The following OTOF variants were observed in gnomAD, a reference collection of about 807,000 sequenced individuals.
OTOF encodes fer-1-like family member 2.
Under a neutral mutation model 236.8 loss-of-function variants are expected in OTOF, and 218 were observed. The observed-to-expected ratio is 0.92, with a 90% CI of 0.82 to 1.03. OTOF has a LOEUF of 1.03. Among genes scored for constraint, OTOF ranks in the 50% least tolerant of loss-of-function variants. The pLI, the probability that OTOF is intolerant of heterozygous loss-of-function variation, is 0.00. For missense variants in OTOF, 2,590 were observed against 2,694.4 expected, an observed-to-expected ratio of 0.96 and a Z score of 0.86; for synonymous variants, 1,041 against 1,072.5, an observed-to-expected ratio of 0.97 and a Z score of 0.57.
intron 3 of OTOF, among the ~76,000 whole-genome samples, chr2:26,527,090 T>C (rs1290694781): frequency 1.3e-5 from 2 of 152,222 alleles, no homozygotes; most frequent in South Asian, 2.1e-4. Flanking sequence ...ACTACTTTTA[T>C]TGAACACCTT....
Position 26,518,851 on chromosome 2 carries a change from G to A in OTOF, c.327+159C>T, listed in dbSNP as rs116403205. On this transcript the variant is annotated intron_variant, in intron 4 of 46. Transcript: ENST00000272371. ...GGGCCTCCAGCCATGGCCACAGATT[G>A]AGCCATTCCAGCAGAGTCTGACCTG... is the stretch of plus-strand genomic sequence containing the variant. Among the ~76,000 whole-genome samples the A allele has an allele frequency of 0.011, 1,739 of 152,340 alleles. 35 individuals carry two copies. The highest frequency in any genetic ancestry group is 0.04 in the African/African-American group (1,677 of 41,582).
intron 13 of OTOF, 129 bp from the exon 14 acceptor site, chr2:26,482,721 G>A (rs552722982): frequency 7.6e-5 from 55 of 724,978 alleles, no homozygotes; most frequent in Non-Finnish European, 1.1e-4. Flanking sequence ...GTGTGCATGC[G>A]TGTGTGAGTG....
intron 2 of OTOF, among the ~76,000 whole-genome samples, chr2:26,529,950 C>T (rs1289783655): frequency 1.4e-5 from 1 of 72,500 alleles, no homozygotes. Flanking sequence ...TTCTGGATGC[C>T]TCTGGCAGCT....
At position 26,479,390 on chromosome 2, in the gene OTOF, G is replaced by A. The variant is rs762049246; in HGVS notation, c.2094-6C>T. Reference sequence around the variant, plus strand: ...AGGGCAGATGGAAGTAGTTCCTGGGGTGGGCAGAGGCGGGAGGTGAGGTCT... The same window carrying A: ...AGGGCAGATGGAAGTAGTTCCTGGGATGGGCAGAGGCGGGAGGTGAGGTCT... On this transcript the variant is annotated splice_polypyrimidine_tract_variant and splice_region_variant and intron_variant, in intron 17 of 46. Transcript: ENST00000272371. The A allele has an allele frequency of 6.2e-6, 10 of 1,612,344 alleles. No homozygotes were observed. In the African/African-American group the frequency reaches 6.7e-5, roughly 11 times the overall value.
chr2:26,527,981 G>T lies in OTOF; in HGVS notation c.139-61C>A. On this transcript the variant is annotated intron_variant, in intron 2 of 46. Transcript: ENST00000272371. Reference sequence around the variant, plus strand: ...ATAACAGGTAGGAGCCGTGGGGTGTGGGAGGGGAATCTCTTGTGGGGATCT... The same window carrying T: ...ATAACAGGTAGGAGCCGTGGGGTGTTGGAGGGGAATCTCTTGTGGGGATCT... 10 of 1,201,982 alleles carry T rather than the reference G, an allele frequency of 8.3e-6. No individual in the cohort carries two copies. In the Admixed American group the frequency reaches 1.4e-4, roughly 16 times the overall value. 74.5% of individuals were successfully genotyped at this position (1,201,982 alleles called of 1,614,324 possible). A position where few individuals can be genotyped will look rare whatever the true frequency, so the allele number is the denominator to read the frequency against.
At chr2:26,510,923 G>A (rs1480397105) in intron 5 of OTOF, among the ~76,000 whole-genome samples, 2 of 152,352 alleles carry the variant, frequency 1.3e-5, no homozygotes, top group South Asian at 4.1e-4. Flanking sequence ...CTGCAGAAAA[G>A]GGGTCCCATG....
Position 26,473,537 on chromosome 2 carries a change from G to T in OTOF, c.3439C>A (p.Arg1147=). Residue 1147 remains arginine (R), a synonymous_variant, in exon 28 of 47, where the codon CGG becomes AGG. Coordinates refer to ENST00000272371, the MANE Select transcript of OTOF (RefSeq NM_194248.3). The surrounding 1 kb of genome is among the most constrained non-coding windows in gnomAD (Gnocchi z 7.2). ...VLFWGLRDLK[R]VNLAQVDRPR... ...CGGTCCACCTGGGCCAGGTTCACCC[G>T]CTTTAGGTCCCGTAGGCCCCAGAAC... 1 of 1,610,920 alleles carries T rather than the reference G, an allele frequency of 6.2e-7. No homozygotes were observed. The highest frequency in any genetic ancestry group is 1.1e-5 in the South Asian group (1 of 91,008).
rs560292898 is a variant in OTOF at position 26,478,963 on chromosome 2, T to C, written c.2214+301A>G. Among the ~76,000 whole-genome samples the C allele has an allele frequency of 2.2e-3, 341 of 152,342 alleles. 3 individuals are homozygous for C. Among genetic ancestry groups the C allele is most frequent in the African/African-American group, 7.4e-3 (306 of 41,590 alleles). On this transcript the variant is annotated intron_variant, in intron 18 of 46. Coordinates refer to ENST00000272371, the MANE Select transcript of OTOF (RefSeq NM_194248.3). Reference sequence around the variant, plus strand: ...ATCCACCTGCCTTGGCCTCCCAAAGTGTTGGGATTACAGGCGTGAGCCACC... The same window carrying C: ...ATCCACCTGCCTTGGCCTCCCAAAGCGTTGGGATTACAGGCGTGAGCCACC...
chr2:26,472,896 C>T (rs1010392494), intron 29 of OTOF, among the ~76,000 whole-genome samples: 5 of 152,156 alleles, frequency 3.3e-5, no homozygotes, highest in South Asian at 4.1e-4. Context: ...TCAACCAGCG[C>T]AAGGGGCTTT....
chr2:26,543,432 G>T (rs753058747), intron 1 of OTOF, among the ~76,000 whole-genome samples: 2 of 152,182 alleles, frequency 1.3e-5, no homozygotes, highest in Non-Finnish European at 2.9e-5. Context: ...AGAAACTGTT[G>T]TGGGAAAGTC....
chr2:26,544,476 T>C (rs979083486), intron 1 of OTOF, among the ~76,000 whole-genome samples: 1 of 152,198 alleles, frequency 6.6e-6, no homozygotes, highest in Non-Finnish European at 1.5e-5. Flanking sequence ...CAAGGTAATG[T>C]TTTTGTGATT....
chr2:26,479,163 GC>G lies in OTOF; in HGVS notation c.2214+100del, dbSNP rs547827648. 121 of 1,471,208 alleles carry G rather than the reference GC, an allele frequency of 8.2e-5. 1 individual carries two copies. In the Admixed American group the frequency reaches 8.3e-4, roughly 10 times the overall value. 91.1% of individuals were successfully genotyped at this position (1,471,208 alleles called of 1,614,324 possible). A position where few individuals can be genotyped will look rare whatever the true frequency, so the allele number is the denominator to read the frequency against. On this transcript the variant is annotated intron_variant, in intron 18 of 46. Transcript: ENST00000272371. ...AGGTCCTGCTGGGGCCGTTCCTGCAGCCCCCTGGGCAGACCAGCTTTGTGTG... is the reference window on the plus strand; with the variant it reads ...AGGTCCTGCTGGGGCCGTTCCTGCAGCCCCTGGGCAGACCAGCTTTGTGTG...
chr2:26,549,279 G>C (rs1395994592), intron 1 of OTOF, among the ~76,000 whole-genome samples: 2 of 152,142 alleles, frequency 1.3e-5, no homozygotes, highest in Non-Finnish European at 2.9e-5. Flanking sequence ...AATGTATTGA[G>C]ACTTGTCTAA....
At chr2:26,501,915 G>C (rs1016132720) in intron 7 of OTOF, 107 bp from the exon 8 acceptor site, 2 of 835,786 alleles carry the variant, frequency 2.4e-6, no homozygotes, top group Non-Finnish European at 4.2e-6. Context: ...ACAGAATCAT[G>C]GTCTTTAAAC....
chr2:26,545,044 A>C, intron 1 of OTOF, among the ~76,000 whole-genome samples: 1 of 142,148 alleles, frequency 7.0e-6, no homozygotes, highest in African/African-American at 2.5e-5. Flanking sequence ...CCATCCCAAA[A>C]AAAAAAAAAA....
chr2:26,503,944 AG>A, intron 5 of OTOF, 99 bp from the exon 6 acceptor site: 1 of 1,064,502 alleles, frequency 9.4e-7, no homozygotes, highest in South Asian at 1.3e-5. Context: ...ACATCAGAGA[AG>A]GGAGATGGAC....
chr2:26,505,002 A>G (rs1437409486), intron 5 of OTOF, among the ~76,000 whole-genome samples: 4 of 152,118 alleles, frequency 2.6e-5, no homozygotes, highest in African/African-American at 9.7e-5. Context: ...ATGCTGGGCA[A>G]TAGGAGGTTG....
intron 1 of OTOF, among the ~76,000 whole-genome samples, chr2:26,547,678 A>C (rs1915904): frequency 0.34 from 52,358 of 151,942 alleles, 11,319 homozygotes; most frequent in Admixed American, 0.5. Flanking sequence ...TCTACTAAAA[A>C]TACAAAAATT....
rs80356604 is a variant in OTOF at position 26,460,851 on chromosome 2, C to T, written c.5712+1G>A. ...CTGCCCGAGCAGGAAGGGGTGCGCA[C>T]CGTGAGCTCAAACTCATCGTTCTCA... On this transcript the variant is annotated splice_donor_variant, in intron 44 of 46. Transcript: ENST00000272371. LOFTEE classifies it high-confidence loss of function. The surrounding 1 kb of genome is among the most constrained non-coding windows in gnomAD (Gnocchi z 5.3). 3.1e-6 allele frequency: 5 copies of T among 1,614,058 alleles called. No individual in the cohort carries two copies. The highest frequency in any genetic ancestry group is 4.2e-6 in the Non-Finnish European group (5 of 1,179,990).
Sources: allele counts gnomAD v4.1 joint callset (sites outside exome capture counted in the v4.1 genomes callset), GRCh38; gene constraint gnomAD v4.1.1; non-coding constraint Gnocchi (gnomAD v3.1); transcripts MANE v1.5; gene names NCBI Gene and HGNC (gene_info 2026-07-23, HGNC 2026-07-21).